The following GRID2 variants were observed in gnomAD, a reference collection of about 807,000 sequenced individuals.
GRID2 encodes the protein glutamate receptor ionotropic, delta-2.
Under a neutral mutation model 114.8 loss-of-function variants are expected in GRID2, and 33 were observed. That is an observed-to-expected ratio of 0.29 (90% CI 0.22 to 0.38). The LOEUF is 0.38. Ranked by LOEUF, GRID2 falls within the 10% of genes least tolerant of loss-of-function variation. The pLI is 1.00. For missense variants in GRID2, 1,184 were observed against 1,257.7 expected (o/e 0.94, Z 0.89); for synonymous variants, 505 against 449.9 (o/e 1.12, Z -1.55).
At position 92,669,150 on chromosome 4, in the gene GRID2, A is replaced by G. The variant is rs532088584; in HGVS notation, c.244+78864A>G. 2.6e-5 allele frequency among the ~76,000 whole-genome samples: 4 copies of G among 152,100 alleles called. No individual in the cohort carries two copies. The South Asian group carries it at 6.2e-4, about 24-fold the overall frequency. ...TGTTTTGAATATATACAAGAATGAA[A>G]TTAAAGGGCAAAAAAATAAGAGTTA... On this transcript the variant is annotated intron_variant, in intron 2 of 15. Coordinates refer to ENST00000282020, the MANE Select transcript of GRID2 (RefSeq NM_001510.4).
intron 8 of GRID2, among the ~76,000 whole-genome samples, chr4:93,295,331 A>G (rs2149156608): frequency 6.6e-6 from 1 of 152,312 alleles, no homozygotes; most frequent in African/African-American, 2.4e-5. Flanking sequence ...AGAGTACAGG[A>G]GACTGAAAAG....
chr4:92,581,161 C>A (rs1311590296), intron 1 of GRID2, among the ~76,000 whole-genome samples: 1 of 150,698 alleles, frequency 6.6e-6, no homozygotes, highest in African/African-American at 2.4e-5. Flanking sequence ...AAGAAAAAAT[C>A]CAGATATTTG....
rs371530682 is a variant in GRID2, at chr4:92,757,590, A to G, written c.244+167304A>G. 7.2e-5 allele frequency among the ~76,000 whole-genome samples: 11 copies of G among 152,208 alleles called. No individual in the cohort carries two copies. The East Asian group carries it at 1.9e-3, about 27-fold the overall frequency. On this transcript the variant is annotated intron_variant, in intron 2 of 15. Transcript: ENST00000282020. ...AACAGATGTCATCCACATACAGATT[A>G]TGTTTCAAGTCATGAGAACAGATAA...
chr4:92,693,176 A>C (rs1240007770), intron 2 of GRID2, among the ~76,000 whole-genome samples: 2 of 152,104 alleles, frequency 1.3e-5, no homozygotes, highest in Admixed American at 1.3e-4. Flanking sequence ...AATAGACTTC[A>C]AAATGGAAAC....
chr4:93,183,168 T>C (rs1740062207), intron 4 of GRID2, among the ~76,000 whole-genome samples: 1 of 152,144 alleles, frequency 6.6e-6, no homozygotes, highest in East Asian at 1.9e-4. Flanking sequence ...AAACACATAA[T>C]ATCTCAATTT....
chr4:92,975,001 C>CA (rs1753769591), intron 2 of GRID2, among the ~76,000 whole-genome samples: 2 of 151,052 alleles, frequency 1.3e-5, no homozygotes, highest in South Asian at 2.1e-4. Context: ...ACTAAAAATA[C>CA]AAAAAATTAG....
intron 14 of GRID2, among the ~76,000 whole-genome samples, chr4:93,750,600 C>CA (rs1319689673): frequency 5.3e-5 from 8 of 151,894 alleles, no homozygotes; most frequent in African/African-American, 1.9e-4. Context: ...ACTAAAAATA[C>CA]AAAAAATTAG....
chr4:93,403,027 G>C (rs1042591744), intron 9 of GRID2, among the ~76,000 whole-genome samples: 6 of 152,124 alleles, frequency 3.9e-5, no homozygotes, highest in African/African-American at 9.7e-5. Context: ...GGTTGGGAAA[G>C]TAAACTTGTC....
At chr4:93,173,817 A>G (rs1739084032) in intron 4 of GRID2, among the ~76,000 whole-genome samples, 4 of 152,082 alleles carry the variant, frequency 2.6e-5, no homozygotes, top group Admixed American at 2.0e-4. Flanking sequence ...TTTTTGGTAG[A>G]GACAGGGTCT....
chr4:92,336,954 G>GTTTTTTTTTTTTTTTTTTTTT (rs59093874), intron 1 of GRID2, among the ~76,000 whole-genome samples: 2 of 78,182 alleles, frequency 2.6e-5, no homozygotes, highest in Non-Finnish European at 4.5e-5. Context: ...TTTCGTTGTT[G>GTTTTTTTTTTTTTTTTTTTTT]TTTTTTTTTT....
chr4:93,582,992 A>G (rs1398334348), intron 13 of GRID2, among the ~76,000 whole-genome samples: 2 of 152,272 alleles, frequency 1.3e-5, no homozygotes, highest in South Asian at 4.1e-4. Context: ...GTCTCTAAGA[A>G]AGCATCCATC....
At chr4:93,597,446 C>T (rs1297031292) in intron 13 of GRID2, among the ~76,000 whole-genome samples, 2 of 152,116 alleles carry the variant, frequency 1.3e-5, no homozygotes, top group Non-Finnish European at 2.9e-5. Flanking sequence ...ACCAGCTTCT[C>T]CTAGGATGCG....
At chr4:92,594,815 AT>A (rs1413746587) in intron 2 of GRID2, among the ~76,000 whole-genome samples, 1 of 152,032 alleles carries the variant, frequency 6.6e-6, no homozygotes, top group Non-Finnish European at 1.5e-5. Flanking sequence ...AAATGTACAA[AT>A]GTTTTTGTGA....
At chr4:92,868,156 G>A (rs907692382) in intron 2 of GRID2, among the ~76,000 whole-genome samples, 1 of 149,656 alleles carries the variant, frequency 6.7e-6, no homozygotes, top group South Asian at 2.1e-4. Flanking sequence ...ATAGTCTAAT[G>A]TATTGCTATT....
intron 2 of GRID2, among the ~76,000 whole-genome samples, chr4:92,999,484 A>C (rs1438608562): frequency 1.3e-5 from 2 of 151,904 alleles, no homozygotes; most frequent in African/African-American, 4.8e-5. Flanking sequence ...ACTATAGACT[A>C]TCAAGGTTAG....
At chr4:93,807,539 A>C (rs1735055830) in exon 2 of GRID2, 1 of 152,124 alleles carries the variant, frequency 6.6e-6, no homozygotes, top group South Asian at 2.1e-4. Context: ...ATTCCTGGCT[A>C]ATGTAGAGCC....
chr4:93,679,217 G>A (rs1346182620), intron 14 of GRID2, among the ~76,000 whole-genome samples: 5 of 151,150 alleles, frequency 3.3e-5, no homozygotes, highest in African/African-American at 4.9e-5. Flanking sequence ...CAATTCAACA[G>A]GAAGAGCTAA....
intron 2 of GRID2, among the ~76,000 whole-genome samples, chr4:92,877,885 G>A (rs1745746357): frequency 6.6e-6 from 1 of 152,074 alleles, no homozygotes; most frequent in Non-Finnish European, 1.5e-5. Flanking sequence ...TAAATCCTCT[G>A]CTCAGTATAT....
At chr4:93,225,992 T>C (rs1745443096) in intron 7 of GRID2, among the ~76,000 whole-genome samples, 1 of 152,142 alleles carries the variant, frequency 6.6e-6, no homozygotes, top group Non-Finnish European at 1.5e-5. Flanking sequence ...ACTCCCATTA[T>C]ATGGGCATTA....
Sources: allele counts gnomAD v4.1 joint callset (sites outside exome capture counted in the v4.1 genomes callset), GRCh38; gene constraint gnomAD v4.1.1; transcripts MANE v1.5; gene names NCBI Gene and HGNC (gene_info 2026-07-23, HGNC 2026-07-21).